RHBDD1: variants seen among roughly 807,000 people sequenced by gnomAD.
RHBDD1 encodes the protein rhomboid domain containing 1.
Under a neutral mutation model 36.3 loss-of-function variants are expected in RHBDD1, and 38 were observed. That is an observed-to-expected ratio of 1.05 (90% CI 0.81 to 1.37). The LOEUF (loss-of-function observed/expected upper bound fraction) is 1.37, where lower values mean the gene tolerates loss of function less well. Ranked by LOEUF, RHBDD1 falls within the 40% of genes most tolerant of loss-of-function variation. The pLI is 0.00. For missense variants in RHBDD1, 393 were observed against 377.6 expected (o/e 1.04, Z -0.34); for synonymous variants, 151 against 136.5 (o/e 1.11, Z -0.74).
intron 5 of RHBDD1, among the ~76,000 whole-genome samples, chr2:226,876,921 A>G (rs1282759374): frequency 1.3e-5 from 2 of 152,180 alleles, no homozygotes; most frequent in African/African-American, 2.4e-5. Context: ...ATGAATGGCA[A>G]TTTTTTTGCA....
At chr2:226,964,235 A>G (rs780264548) in intron 8 of RHBDD1, among the ~76,000 whole-genome samples, 2 of 152,188 alleles carry the variant, frequency 1.3e-5, no homozygotes, top group Non-Finnish European at 2.9e-5. Flanking sequence ...CTCTACTACT[A>G]CAGTCATGTT....
intron 8 of RHBDD1, among the ~76,000 whole-genome samples, chr2:226,966,767 G>A (rs990088247): frequency 1.3e-5 from 2 of 152,070 alleles, no homozygotes; most frequent in African/African-American, 4.8e-5. Context: ...CTGGACTCAA[G>A]CAATCCTCCC....
intron 4 of RHBDD1, among the ~76,000 whole-genome samples, chr2:226,865,701 G>C (rs1559210011): frequency 6.6e-6 from 1 of 152,198 alleles, no homozygotes; most frequent in Non-Finnish European, 1.5e-5. Context: ...ACCCCAAAGA[G>C]GCAGCCAGGT....
intron 8 of RHBDD1, among the ~76,000 whole-genome samples, chr2:226,975,810 A>G (rs1954461578): frequency 1.3e-5 from 2 of 152,192 alleles, no homozygotes; most frequent in Admixed American, 1.3e-4. Context: ...AAAATGTTTG[A>G]AAAGAGATAA....
At chr2:226,816,069 A>G in the RHBDD1 span, among the ~76,000 whole-genome samples, 1 of 152,210 alleles carries the variant, frequency 6.6e-6, no homozygotes. Context: ...GGATTCAACA[A>G]CATTAGGCTG....
At chr2:226,910,671 A>G (rs1444215306) in intron 7 of RHBDD1, among the ~76,000 whole-genome samples, 2 of 152,096 alleles carry the variant, frequency 1.3e-5, no homozygotes, top group African/African-American at 2.4e-5. Flanking sequence ...ATATAACTAA[A>G]AAAAAAAAAT....
At chr2:226,995,363 G>A in intron 8 of RHBDD1, 68 bp from the exon 9 acceptor site, 1 of 949,880 alleles carries the variant, frequency 1.1e-6, no homozygotes, top group Non-Finnish European at 1.7e-6. Flanking sequence ...TGTTCCCTTG[G>A]AATCCTAGGG....
At chr2:226,867,401 A>G (rs1414312413) in intron 5 of RHBDD1, 83 bp downstream of exon 5, 7 of 1,398,424 alleles carry the variant, frequency 5.0e-6, no homozygotes, top group South Asian at 2.7e-5. Flanking sequence ...GAGGTAACCA[A>G]TTGTTTTTCA....
At chr2:226,950,872 G>A (rs1951375946) in intron 8 of RHBDD1, among the ~76,000 whole-genome samples, 1 of 152,026 alleles carries the variant, frequency 6.6e-6, no homozygotes, top group Non-Finnish European at 1.5e-5. Context: ...TTATACTAAT[G>A]CATTATCAGA....
intron 3 of RHBDD1, among the ~76,000 whole-genome samples, chr2:226,845,803 A>T (rs1220899492): frequency 6.6e-6 from 1 of 152,244 alleles, no homozygotes; most frequent in Non-Finnish European, 1.5e-5. Flanking sequence ...GGTGAAAAAT[A>T]ATTAAATGCT....
intron 5 of RHBDD1, among the ~76,000 whole-genome samples, chr2:226,885,420 A>G (rs535656375): frequency 6.6e-6 from 1 of 152,302 alleles, no homozygotes; most frequent in Admixed American, 6.5e-5. Flanking sequence ...CCCCCTAAAC[A>G]TCCAATAGTA....
At chr2:226,960,241 G>T (rs972577954) in intron 8 of RHBDD1, among the ~76,000 whole-genome samples, 8 of 152,158 alleles carry the variant, frequency 5.3e-5, no homozygotes, top group African/African-American at 1.7e-4. Context: ...ACTTGCTATG[G>T]TCAGTCTTTT....
chr2:226,834,973 G>A (rs1191841174), upstream of RHBDD1, among the ~76,000 whole-genome samples: 1 of 152,074 alleles, frequency 6.6e-6, no homozygotes, highest in African/African-American at 2.4e-5. Flanking sequence ...ACAGGGTTTC[G>A]CCATGTTGGC....
Position 226,975,048 on chromosome 2 carries a change from A to G in RHBDD1, c.857-20383A>G, listed in dbSNP as rs183287733. 4.4e-4 allele frequency among the ~76,000 whole-genome samples: 67 copies of G among 152,290 alleles called. 1 individual carries two copies. The highest frequency in any genetic ancestry group is 7.2e-4 in the Non-Finnish European group (49 of 68,024). ...GAACTGGGACTCTTAGTGGGTAGCA[A>G]GGAAATTATGTTTTTAAAACCACCA... On this transcript the variant is annotated intron_variant, in intron 8 of 8. Coordinates refer to ENST00000392062, the MANE Select transcript of RHBDD1 (RefSeq NM_001167608.3).
At chr2:226,928,416 A>G (rs969184986) in intron 8 of RHBDD1, among the ~76,000 whole-genome samples, 1 of 152,082 alleles carries the variant, frequency 6.6e-6, no homozygotes. Context: ...TGGGTTAACA[A>G]TGATATCAAG....
chr2:226,928,656 G>A (rs541125331), intron 8 of RHBDD1, among the ~76,000 whole-genome samples: 1 of 152,006 alleles, frequency 6.6e-6, no homozygotes, highest in Admixed American at 6.6e-5. Context: ...ACAAAGATCA[G>A]AGCAGAATTA....
chr2:226,836,611 A>G lies in RHBDD1; in HGVS notation c.-392+524A>G, dbSNP rs187710351. The stretch of plus-strand genomic sequence containing the variant: ...AAAAACCTTTGGATAAACGTTTACA[A>G]GAAACGGATCACAGCCTTATTTGTT... On this transcript the variant is annotated intron_variant, in intron 1 of 8. Transcript: ENST00000392062. Among the ~76,000 whole-genome samples the G allele has an allele frequency of 3.3e-5, 5 of 152,360 alleles. No homozygotes were observed. The South Asian group carries it at 8.3e-4, about 25-fold the overall frequency.
intron 8 of RHBDD1, among the ~76,000 whole-genome samples, chr2:226,937,278 A>T (rs915162331): frequency 1.3e-5 from 2 of 152,146 alleles, no homozygotes; most frequent in Non-Finnish European, 1.5e-5. Context: ...GGGTGTGAAC[A>T]AGTTTTTATA....
chr2:226,841,978 T>C (rs12053555), intron 3 of RHBDD1, among the ~76,000 whole-genome samples: 18 of 152,340 alleles, frequency 1.2e-4, no homozygotes, highest in Middle Eastern at 3.4e-3. Flanking sequence ...GACTTTTTAA[T>C]AATAGCCATT....
Sources: gnomAD v4.1 joint callset for allele counts (sites outside exome capture counted in the v4.1 genomes callset) on GRCh38, gnomAD v4.1.1 for gene constraint, MANE v1.5 for transcripts, NCBI Gene and HGNC (gene_info 2026-07-23, HGNC 2026-07-21) for gene names.